The following ZNF469 variants were observed in gnomAD, a reference collection of about 807,000 sequenced individuals.
ZNF469 encodes zinc finger protein 469.
ZNF469 carries 1 observed loss-of-function variant against 1.0 expected under a neutral mutation model. The observed-to-expected ratio is 1.00, with a 90% CI of 0.35 to 4.73. ZNF469 has a LOEUF of 4.73. ZNF469 is among the 30% of genes most tolerant of loss of function. The probability of loss-of-function intolerance (pLI) is 0.16; values close to 1 mark genes in which losing one functional copy is unlikely to be tolerated. For synonymous variants in ZNF469, 2,703 were observed against 2,363.4 expected, an observed-to-expected ratio of 1.14 and a Z score of -4.17; for missense variants, 6,100 against 5,356.3, an observed-to-expected ratio of 1.14 and a Z score of -4.33.
At chr16:88,361,391 T>C in the ZNF469 span, among the ~76,000 whole-genome samples, 4 of 152,204 alleles carry the variant, frequency 2.6e-5, no homozygotes, top group African/African-American at 9.7e-5. Context: ...TATTTTTATA[T>C]AGGAAAATCT....
At chr16:88,189,297 C>T in the ZNF469 span, among the ~76,000 whole-genome samples, 4 of 152,116 alleles carry the variant, frequency 2.6e-5, no homozygotes, top group South Asian at 2.1e-4. The surrounding 1 kb of genome is among the most constrained non-coding windows in gnomAD (Gnocchi z 4.3). Context: ...TGGGTGTTAG[C>T]CCCACAAAGG....
the ZNF469 span, among the ~76,000 whole-genome samples, chr16:88,341,242 G>A: frequency 6.6e-5 from 10 of 152,170 alleles, no homozygotes; most frequent in Admixed American, 1.3e-4. Context: ...TTCAATGCCC[G>A]CCTGGTGCAC....
the ZNF469 span, among the ~76,000 whole-genome samples, chr16:88,352,681 G>A: frequency 6.6e-6 from 1 of 152,212 alleles, no homozygotes; most frequent in African/African-American, 2.4e-5. Flanking sequence ...CCCCTCCCTG[G>A]CTGGTAGCAG....
At chr16:88,381,335 C>T (rs1011880345), upstream of ZNF469, among the ~76,000 whole-genome samples, 2 of 149,198 alleles carry the variant, frequency 1.3e-5, no homozygotes, top group African/African-American at 5.1e-5. Context: ...GACATGCACT[C>T]GCACACAGAC....
the ZNF469 span, among the ~76,000 whole-genome samples, chr16:88,256,890 CT>C: frequency 5.8e-5 from 3 of 52,080 alleles, no homozygotes; most frequent in African/African-American, 2.3e-4. Context: ...CTTTTCTTTT[CT>C]TTCCTTCTTT....
chr16:88,364,941 G>T, the ZNF469 span, among the ~76,000 whole-genome samples: 1 of 152,064 alleles, frequency 6.6e-6, no homozygotes, highest in Admixed American at 6.6e-5. Context: ...CTCCAGCCTG[G>T]GCAACAGAGT....
chr16:88,230,439 G>A, the ZNF469 span, among the ~76,000 whole-genome samples: 1 of 152,232 alleles, frequency 6.6e-6, no homozygotes, highest in African/African-American at 2.4e-5. Context: ...GATAAGGGCT[G>A]ATGAGCAGGG....
At chr16:88,221,395 C>T in the ZNF469 span, among the ~76,000 whole-genome samples, 1 of 152,324 alleles carries the variant, frequency 6.6e-6, no homozygotes, top group East Asian at 1.9e-4. Flanking sequence ...CACACTTCCT[C>T]TCTGCTCCAA....
chr16:88,226,137 G>C, the ZNF469 span, among the ~76,000 whole-genome samples: 2 of 152,132 alleles, frequency 1.3e-5, no homozygotes, highest in African/African-American at 2.4e-5. Flanking sequence ...GTCTGTGCTG[G>C]GGGTGGAGGG....
chr16:88,431,136 C>A lies in ZNF469; in HGVS notation c.3666C>A (p.Pro1222=). Reference sequence around the variant, plus strand: ...AAACCCGCCCGTCGCTGGACTTTCCCCAGGAGGCCAAGGAGCCTGAAACTG... The same window carrying A: ...AAACCCGCCCGTCGCTGGACTTTCCACAGGAGGCCAAGGAGCCTGAAACTG... ...SEETRPSLDF[P]QEAKEPETAE... The change falls in exon 3 of 3, where the codon CCC becomes CCA. Residue 1222 remains proline, a synonymous_variant. Transcript: ENST00000565624. 9.7e-6 allele frequency: 15 copies of A among 1,550,306 alleles called. No homozygotes were observed. The highest frequency in any genetic ancestry group is 1.3e-5 in the Non-Finnish European group (15 of 1,146,952).
chr16:88,160,521 C>T, the ZNF469 span, among the ~76,000 whole-genome samples: 5 of 152,112 alleles, frequency 3.3e-5, no homozygotes, highest in Admixed American at 1.3e-4. Context: ...TCTGCGGGTG[C>T]GGGAGGCATG....
At chr16:88,264,038 C>A in the ZNF469 span, among the ~76,000 whole-genome samples, 1 of 152,092 alleles carries the variant, frequency 6.6e-6, no homozygotes, top group Non-Finnish European at 1.5e-5. Context: ...GTGTCCACAC[C>A]ACGTGTACTC....
chr16:88,193,422 A>G, the ZNF469 span, among the ~76,000 whole-genome samples: 1 of 152,316 alleles, frequency 6.6e-6, no homozygotes, highest in South Asian at 2.1e-4. Flanking sequence ...TTGGAGGCCA[A>G]GCATGGTGGC....
the ZNF469 span, among the ~76,000 whole-genome samples, chr16:88,239,715 ATTTTTTTTTTTTTTTTTT>A: frequency 1.5e-4 from 1 of 6,784 alleles, no homozygotes; most frequent in African/African-American, 6.8e-4. Context: ...ATATATATAT[ATTTTTTTTTTTTTTTTTT>A]TTTTTTTTAG....
the ZNF469 span, among the ~76,000 whole-genome samples, chr16:88,176,816 G>C: frequency 6.6e-6 from 1 of 152,250 alleles, no homozygotes; most frequent in South Asian, 2.1e-4. Flanking sequence ...GTAAGTTTGG[G>C]TCAAAAGAGG....
At chr16:88,327,976 C>G in the ZNF469 span, among the ~76,000 whole-genome samples, 27 of 152,260 alleles carry the variant, frequency 1.8e-4, no homozygotes, top group Non-Finnish European at 2.9e-5. Flanking sequence ...CCTGCTGTCC[C>G]AGCCAATGGG....
At chr16:88,286,063 C>G in the ZNF469 span, among the ~76,000 whole-genome samples, 1 of 152,272 alleles carries the variant, frequency 6.6e-6, no homozygotes, top group African/African-American at 2.4e-5. Flanking sequence ...CCAGTCCCAG[C>G]CCACTCGGTG....
the ZNF469 span, among the ~76,000 whole-genome samples, chr16:88,171,700 A>G: frequency 6.6e-6 from 1 of 152,248 alleles, no homozygotes; most frequent in South Asian, 2.1e-4. Context: ...TGGAAGACCC[A>G]TCGCTGCGTT....
chr16:88,202,308 T>G, the ZNF469 span, among the ~76,000 whole-genome samples: 3 of 152,320 alleles, frequency 2.0e-5, no homozygotes, highest in South Asian at 6.2e-4. Flanking sequence ...CCCAGGAGCT[T>G]GCCCAAAGCT....
Sources: allele counts gnomAD v4.1 joint callset (sites outside exome capture counted in the v4.1 genomes callset), GRCh38; gene constraint gnomAD v4.1.1; non-coding constraint Gnocchi (gnomAD v3.1); transcripts MANE v1.5; gene names NCBI Gene and HGNC (gene_info 2026-07-23, HGNC 2026-07-21).